UQCC1: variants seen among roughly 807,000 people sequenced by gnomAD.
UQCC1 encodes the protein ubiquinol-cytochrome c reductase complex assembly factor 1.
A neutral mutation model predicts 48.0 loss-of-function variants in UQCC1; 38 were observed. The observed-to-expected ratio is 0.79, with a 90% CI of 0.61 to 1.04. UQCC1 has a LOEUF of 1.04. Among genes scored for constraint, UQCC1 ranks in the 50% least tolerant of loss-of-function variants. The pLI is 0.00. For missense variants in UQCC1, 368 were observed against 381.8 expected (o/e 0.96, Z 0.30); for synonymous variants, 111 against 129.2 (o/e 0.86, Z 0.95).
chr20:35,341,218 CAAAAAA>C (rs61675932), intron 7 of UQCC1, among the ~76,000 whole-genome samples: 67,796 of 115,542 alleles, frequency 0.59, 18,041 homozygotes, highest in East Asian at 0.73. Flanking sequence ...GAGACTCCGT[CAAAAAA>C]AAAAAAAAAA....
intron 8 of UQCC1, among the ~76,000 whole-genome samples, chr20:35,307,599 T>C (rs1056460665): frequency 6.6e-5 from 10 of 152,114 alleles, no homozygotes; most frequent in Non-Finnish European, 5.9e-5. Context: ...AGTTGCTCTG[T>C]CCAGGTGCCA....
At chr20:35,387,603 G>C (rs1200188898) in intron 2 of UQCC1, among the ~76,000 whole-genome samples, 2 of 151,946 alleles carry the variant, frequency 1.3e-5, no homozygotes, top group Admixed American at 6.6e-5. Flanking sequence ...AAAGGTCCTA[G>C]TGGAAAGGTC....
intron 1 of UQCC1, among the ~76,000 whole-genome samples, chr20:35,399,147 AT>A (rs2062123866): frequency 6.6e-6 from 1 of 152,246 alleles, no homozygotes; most frequent in Non-Finnish European, 1.5e-5. Context: ...TCCCAGGAAC[AT>A]TCCTAAAAGC....
chr20:35,381,090 A>T (rs902508935), intron 4 of UQCC1, among the ~76,000 whole-genome samples: 1 of 152,260 alleles, frequency 6.6e-6, no homozygotes, highest in African/African-American at 2.4e-5. Flanking sequence ...GCCCAGGGGC[A>T]GTATGCATCT....
chr20:35,304,877 G>A (rs1224303024), intron 9 of UQCC1, among the ~76,000 whole-genome samples: 1 of 152,158 alleles, frequency 6.6e-6, no homozygotes, highest in African/African-American at 2.4e-5. Context: ...CCTCTCGCAC[G>A]TGTCTTGGCT....
chr20:35,371,489 C>A (rs558698806), intron 5 of UQCC1, among the ~76,000 whole-genome samples: 1 of 151,718 alleles, frequency 6.6e-6, no homozygotes, highest in African/African-American at 2.4e-5. Context: ...AGGCACCCAC[C>A]ACCATGCCCA....
At chr20:35,312,257 C>T (rs1252494176) in intron 8 of UQCC1, among the ~76,000 whole-genome samples, 2 of 152,086 alleles carry the variant, frequency 1.3e-5, no homozygotes, top group Non-Finnish European at 2.9e-5. Context: ...CCATAACCCC[C>T]GAAAGCTCAT....
chr20:35,410,134 T>A (rs950702513), intron 1 of UQCC1: 1 of 152,210 alleles, frequency 6.6e-6, no homozygotes, highest in East Asian at 1.9e-4. Context: ...TTCAGTTTTC[T>A]TATCTGTAAA....
At chr20:35,357,769 C>A (rs2061562977) in intron 6 of UQCC1, among the ~76,000 whole-genome samples, 2 of 151,880 alleles carry the variant, frequency 1.3e-5, no homozygotes, top group African/African-American at 2.4e-5. Flanking sequence ...GATCCTGCTA[C>A]CCACTGCAAA....
chr20:35,358,760 A>G (rs2061574998), intron 6 of UQCC1, among the ~76,000 whole-genome samples: 1 of 152,118 alleles, frequency 6.6e-6, no homozygotes. Flanking sequence ...CGGTTTCACC[A>G]TGTTGGTCAG....
In UQCC1 at chr20:35,407,809, G is replaced by C. The variant is rs531184983; in HGVS notation, c.24+4131C>G. On this transcript the variant is annotated intron_variant, in intron 1 of 9. Coordinates refer to ENST00000374385, the MANE Select transcript of UQCC1 (RefSeq NM_018244.5). ...AGGCCGAGGCAGGCGGATCACCTGA[G>C]GTTGGGAGTTTGAGACCATCCTGAC... Among the ~76,000 whole-genome samples, 15 of 152,264 alleles carry C rather than the reference G, an allele frequency of 9.9e-5. No homozygotes were observed. The East Asian group carries it at 2.7e-3, about 28-fold the overall frequency.
chr20:35,392,330 C>T (rs767191495), intron 2 of UQCC1: 78 of 1,281,100 alleles, frequency 6.1e-5, no homozygotes, highest in Non-Finnish European at 7.5e-5. Flanking sequence ...ACAAAAGGTC[C>T]AGTTGATTTA....
Position 35,314,690 on chromosome 20 carries a change from C to A in UQCC1, c.649G>T (p.Glu217Ter). 6.2e-7 allele frequency: 1 copy of A among 1,607,068 alleles called. No homozygotes were observed. Among genetic ancestry groups the A allele is most frequent in the South Asian group, 1.1e-5 (1 of 90,384 alleles). Reference protein sequence around the residue: ...HFYAAILGYDEGILSDDHGLA... With the variant: ...HFYAAILGYD ...TAAGCCTTGGCAAACAATCTTACCT[C>A]ATCATATCCCAAGATCGCTGCATAG... Residue 217 changes from glutamate to a stop codon, truncating the protein, a stop_gained and splice_region_variant, in exon 8 of 10, where the codon GAG becomes TAG. Transcript: ENST00000374385. LOFTEE classifies it high-confidence loss of function.
At chr20:35,356,581 A>G (rs2061549874) in intron 6 of UQCC1, among the ~76,000 whole-genome samples, 1 of 152,254 alleles carries the variant, frequency 6.6e-6, no homozygotes, top group African/African-American at 2.4e-5. Flanking sequence ...CATGAAGCTG[A>G]TACTTGTGTC....
At chr20:35,388,606 A>T (rs1226584677) in intron 2 of UQCC1, among the ~76,000 whole-genome samples, 5 of 152,204 alleles carry the variant, frequency 3.3e-5, no homozygotes, top group Non-Finnish European at 5.9e-5. Context: ...AAATTAGAAC[A>T]CAAAGGCTCA....
intron 2 of UQCC1, chr20:35,392,202 C>T (rs1297326700): frequency 3.9e-6 from 5 of 1,297,504 alleles, no homozygotes; most frequent in Non-Finnish European, 5.1e-6. Flanking sequence ...CTTTCTCATT[C>T]TGAGCCAAAT....
intron 5 of UQCC1, among the ~76,000 whole-genome samples, chr20:35,371,293 T>C (rs1375666433): frequency 6.6e-6 from 1 of 151,662 alleles, no homozygotes; most frequent in Non-Finnish European, 1.5e-5. Flanking sequence ...ATTTATTGAA[T>C]CAAATATAAA....
intron 1 of UQCC1, among the ~76,000 whole-genome samples, chr20:35,405,615 C>T (rs933985302): frequency 5.3e-5 from 8 of 152,128 alleles, no homozygotes; most frequent in African/African-American, 7.2e-5. Context: ...TGGCCGGGTG[C>T]GGTGGCTTAC....
intron 9 of UQCC1, chr20:35,304,503 G>T: frequency 1.1e-5 from 2 of 184,460 alleles, no homozygotes; most frequent in South Asian, 2.4e-4. Flanking sequence ...TGCTACCCAG[G>T]GTGGCAGCTT....
Sources: gnomAD v4.1 joint callset for allele counts (sites outside exome capture counted in the v4.1 genomes callset) on GRCh38, gnomAD v4.1.1 for gene constraint, MANE v1.5 for transcripts, NCBI Gene and HGNC (gene_info 2026-07-23, HGNC 2026-07-21) for gene names.